SV2B: variants seen among roughly 807,000 people sequenced by gnomAD.
The protein encoded by SV2B is synaptic vesicle glycoprotein 2B.
SV2B carries 41 observed loss-of-function variants against 73.9 expected under a neutral mutation model. The ratio of observed to expected loss-of-function variants is 0.56; its 90% CI spans 0.43 to 0.72. The LOEUF is 0.72. Ranked by LOEUF, SV2B falls within the 30% of genes least tolerant of loss-of-function variation. SV2B has a pLI of 0.00. For missense variants in SV2B, 764 were observed against 857.8 expected (o/e 0.89, Z 1.37); for synonymous variants, 314 against 314.2 (o/e 1.00, Z 0.01).
At chr15:91,178,659 A>G (rs373731401) in intron 1 of SV2B, among the ~76,000 whole-genome samples, 3 of 151,166 alleles carry the variant, frequency 2.0e-5, no homozygotes, top group African/African-American at 7.3e-5. Flanking sequence ...ATTTCTTCTA[A>G]ATTTTCTAGT....
chr15:91,190,928 A>G (rs1053618402), intron 1 of SV2B, among the ~76,000 whole-genome samples: 2 of 151,934 alleles, frequency 1.3e-5, no homozygotes, highest in Admixed American at 1.3e-4. Context: ...GATTTTGTTC[A>G]TGATCATTAT....
chr15:91,188,316 T>TTTAC (rs1281105564), intron 1 of SV2B, among the ~76,000 whole-genome samples: 2 of 108,818 alleles, frequency 1.8e-5, no homozygotes, highest in East Asian at 8.7e-4. Flanking sequence ...TATTTATTTA[T>TTTAC]TTATTTATTT....
Position 91,132,838 on chromosome 15 carries a change from T to C in SV2B, c.-392+32475T>C, listed in dbSNP as rs2141159249. Among the ~76,000 whole-genome samples, 1 of 151,922 alleles carries C rather than the reference T, an allele frequency of 6.6e-6. No individual in the cohort carries two copies. Among genetic ancestry groups the C allele is most frequent in the Non-Finnish European group, 1.5e-5 (1 of 67,964 alleles). ...CTGGGCAACAGAGTGAGATCCTGTC[T>C]CTCAAAAAGAAAAAAAAAAGTGAGT... On this transcript the variant is annotated intron_variant, in intron 1 of 12. Transcript: ENST00000394232. The surrounding 1 kb of genome is among the most constrained non-coding windows in gnomAD (Gnocchi z 4.6).
rs1055023184 is a variant in SV2B, at chr15:91,252,061, T to C, written c.632+62T>C. 1.3e-6 allele frequency: 2 copies of C among 1,573,666 alleles called. No homozygotes were observed. Among genetic ancestry groups the C allele is most frequent in the African/African-American group, 2.7e-5 (2 of 73,708 alleles). The stretch of plus-strand genomic sequence containing the variant: ...ACCAATGGCCCATCCATTCTGGTAT[T>C]CTAGCTCCAAGAGGTAACTCTAGAA... On this transcript the variant is annotated intron_variant, in intron 3 of 12. Coordinates refer to ENST00000394232, the MANE Select transcript of SV2B (RefSeq NM_001323032.3). The surrounding 1 kb of genome is among the most constrained non-coding windows in gnomAD (Gnocchi z 4.6).
chr15:91,238,589 T>C (rs774553815), intron 2 of SV2B, among the ~76,000 whole-genome samples: 5 of 152,226 alleles, frequency 3.3e-5, no homozygotes, highest in African/African-American at 7.2e-5. Context: ...CATTGGCCTC[T>C]CAGGGTGCTG....
At chr15:91,247,232 C>A (rs1049586634) in intron 2 of SV2B, among the ~76,000 whole-genome samples, 1 of 152,216 alleles carries the variant, frequency 6.6e-6, no homozygotes, top group Non-Finnish European at 1.5e-5. Context: ...AGCAGGTCCT[C>A]GGCCAGCATT....
At chr15:91,264,800 G>A (rs892674258) in intron 6 of SV2B, among the ~76,000 whole-genome samples, 1 of 152,142 alleles carries the variant, frequency 6.6e-6, no homozygotes, top group African/African-American at 2.4e-5. Flanking sequence ...GAGGAAGGAT[G>A]TGCAGGCAGA....
chr15:91,199,590 G>C lies in SV2B; in HGVS notation c.-391-26283G>C, dbSNP rs968160162. Among the ~76,000 whole-genome samples, 14 of 152,346 alleles carry C rather than the reference G, an allele frequency of 9.2e-5. No homozygotes were observed. The South Asian group carries it at 2.5e-3, about 27-fold the overall frequency. ...CAGGGCAAATGCTTTGAGAATCCCA[G>C]TTGTGGGCAGTGGTGCTCCTTTGCA... is the stretch of plus-strand genomic sequence containing the variant. On this transcript the variant is annotated intron_variant, in intron 1 of 12. Coordinates refer to ENST00000394232, the MANE Select transcript of SV2B (RefSeq NM_001323032.3).
In SV2B at chr15:91,257,273, A is replaced by C. The variant is rs73520035; in HGVS notation, c.785-1148A>C. On this transcript the variant is annotated intron_variant, in intron 4 of 12. Coordinates refer to ENST00000394232, the MANE Select transcript of SV2B (RefSeq NM_001323032.3). ...GTTGCTAGGAGCGTTCACACATGAC[A>C]AATCTATGGAGGTATCATTACCTGT... Among the ~76,000 whole-genome samples the C allele has an allele frequency of 5.8e-3, 879 of 152,308 alleles. 9 individuals carry two copies. The highest frequency in any genetic ancestry group is 0.02 in the African/African-American group (839 of 41,560).
chr15:91,208,357 TGAAGA>T (rs1342314591), intron 1 of SV2B, among the ~76,000 whole-genome samples: 1 of 152,196 alleles, frequency 6.6e-6, no homozygotes, highest in African/African-American at 2.4e-5. Context: ...TGATTTATGA[TGAAGA>T]GAAAAGTGTT....
chr15:91,284,160 C>T lies in SV2B; in HGVS notation c.1647C>T (p.Val549=). 1 of 1,614,200 alleles carries T rather than the reference C, an allele frequency of 6.2e-7. No individual in the cohort carries two copies. The highest frequency in any genetic ancestry group is 8.5e-7 in the Non-Finnish European group (1 of 1,180,048). ...TCAGCTTCCTGGGCAGCCTGTCTGT[C>T]TTACCCGGGAACATCATTTCTGCCC... The part of the protein sequence containing the change: ...YLVSFLGSLS[V]LPGNIISALL... Residue 549 remains valine, a synonymous_variant, in exon 11 of 13, where the codon GTC becomes GTT. Coordinates refer to ENST00000394232, the MANE Select transcript of SV2B (RefSeq NM_001323032.3). The surrounding 1 kb of genome is among the most constrained non-coding windows in gnomAD (Gnocchi z 4.5).
chr15:91,152,758 TTC>T (rs2043353681), intron 1 of SV2B, among the ~76,000 whole-genome samples: 1 of 152,196 alleles, frequency 6.6e-6, no homozygotes, highest in South Asian at 2.1e-4. Flanking sequence ...GAAAGAGGTT[TTC>T]TTTCTGAGCT....
rs952579387 is a variant in SV2B, at chr15:91,231,419, G to A, written c.451+4705G>A. On this transcript the variant is annotated intron_variant, in intron 2 of 12. Coordinates refer to ENST00000394232, the MANE Select transcript of SV2B (RefSeq NM_001323032.3). The surrounding 1 kb of genome is among the most constrained non-coding windows in gnomAD (Gnocchi z 4.5). ...GGATGAGTTTTCTGAATTGGTTCTG[G>A]GGTTTCTGGAATTGGCTTTCTAATC... is the stretch of plus-strand genomic sequence containing the variant. 3.9e-5 allele frequency among the ~76,000 whole-genome samples: 6 copies of A among 152,022 alleles called. No homozygotes were observed. Among genetic ancestry groups the A allele is most frequent in the African/African-American group, 1.5e-4 (6 of 41,354 alleles).
Position 91,226,629 on chromosome 15 carries a change from T to G in SV2B, c.366T>G (p.Asp122Glu). The stretch of plus-strand genomic sequence containing the variant: ...TCTTGGGTTTGGCCCTGATGGCCGA[T>G]GGGGTGGAAGTGTTCGTGGTGAGTT... ...FFVLGLALMA[D>E]GVEVFVVSFA... Residue 122 changes from aspartate to glutamate, a missense_variant, in exon 2 of 13, where the codon GAT becomes GAG. Physicochemically the swap from Asp to Glu is conservative, Grantham distance 45. Coordinates refer to ENST00000394232, the MANE Select transcript of SV2B (RefSeq NM_001323032.3). 6.2e-7 allele frequency: 1 copy of G among 1,614,086 alleles called. No homozygotes were observed. The highest frequency in any genetic ancestry group is 8.5e-7 in the Non-Finnish European group (1 of 1,180,010).
chr15:91,216,401 A>T (rs2046026202), intron 1 of SV2B, among the ~76,000 whole-genome samples: 1 of 152,218 alleles, frequency 6.6e-6, no homozygotes, highest in Non-Finnish European at 1.5e-5. Context: ...GTGAGAAAGT[A>T]AATGGCTCTG....
intron 1 of SV2B, among the ~76,000 whole-genome samples, chr15:91,178,925 C>T (rs1429823213): frequency 8.0e-5 from 12 of 149,756 alleles, no homozygotes; most frequent in African/African-American, 2.7e-4. Flanking sequence ...TATTTCTTGC[C>T]TTCTGCTAGC....
At chr15:91,276,808 A>ATTG (rs2048506860) in intron 9 of SV2B, among the ~76,000 whole-genome samples, 5 of 114,788 alleles carry the variant, frequency 4.4e-5, no homozygotes, top group African/African-American at 1.6e-4. Context: ...TGTTGTTGTT[A>ATTG]TTATTATTAT....
At chr15:91,170,779 A>G (rs2044095474) in intron 1 of SV2B, among the ~76,000 whole-genome samples, 1 of 152,212 alleles carries the variant, frequency 6.6e-6, no homozygotes, top group African/African-American at 2.4e-5. Context: ...AAATGCTTCT[A>G]CGGAAATTTT....
chr15:91,242,843 C>T lies in SV2B; in HGVS notation c.452-8976C>T, dbSNP rs751021853. On this transcript the variant is annotated intron_variant, in intron 2 of 12. Transcript: ENST00000394232. The surrounding 1 kb of genome is among the most constrained non-coding windows in gnomAD (Gnocchi z 4.9). ...GGTTCTCAAATAGTAGGTGAAACTA[C>T]TGTTTGGCTAGTAGTGTTTTAAAAC... Among the ~76,000 whole-genome samples, 2 of 152,184 alleles carry T rather than the reference C, an allele frequency of 1.3e-5. No individual in the cohort carries two copies. Among genetic ancestry groups the T allele is most frequent in the Non-Finnish European group, 2.9e-5 (2 of 68,038 alleles).
Sources: allele counts gnomAD v4.1 joint callset (sites outside exome capture counted in the v4.1 genomes callset), GRCh38; gene constraint gnomAD v4.1.1; non-coding constraint Gnocchi (gnomAD v3.1); transcripts MANE v1.5; gene names NCBI Gene and HGNC (gene_info 2026-07-23, HGNC 2026-07-21).